Variants in ARB2A observed in about 807,000 individuals in gnomAD.
ARB2A encodes cotranscriptional regulator ARB2A.
the ARB2A span, among the ~76,000 whole-genome samples, chr5:93,653,541 A>AAAAAAAAAAAAAAAAAAAAAAAAAAC: frequency 7.3e-6 from 1 of 137,056 alleles, no homozygotes. Context: ...AAAAAAAAAA[A>AAAAAAAAAAAAAAAAAAAAAAAAAAC]AAAAAAAAAA....
At chr5:93,805,474 C>A in the ARB2A span, 1 of 985,006 alleles carries the variant, frequency 1.0e-6, no homozygotes, top group South Asian at 4.7e-5. Flanking sequence ...CATTCCCCTG[C>A]ACAGAAGAGT....
chr5:93,685,255 CTTATA>C, the ARB2A span, among the ~76,000 whole-genome samples: 1 of 152,028 alleles, frequency 6.6e-6, no homozygotes. Flanking sequence ...ATATTTAAGG[CTTATA>C]TTAGTTTTTT....
the ARB2A span, among the ~76,000 whole-genome samples, chr5:93,648,309 TA>T: frequency 1.3e-5 from 2 of 152,158 alleles, no homozygotes; most frequent in African/African-American, 4.8e-5. Context: ...TATGACATTT[TA>T]AGTACATTAT....
chr5:93,890,478 AAC>A, the ARB2A span, among the ~76,000 whole-genome samples: 1 of 151,956 alleles, frequency 6.6e-6, no homozygotes, highest in Non-Finnish European at 1.5e-5. Flanking sequence ...GTCTTTTAAA[AAC>A]ACACAATGAT....
At chr5:93,884,452 G>A in the ARB2A span, among the ~76,000 whole-genome samples, 1 of 151,664 alleles carries the variant, frequency 6.6e-6, no homozygotes, top group East Asian at 1.9e-4. Flanking sequence ...TGACTCATCT[G>A]TTCAATATCA....
At chr5:93,845,537 C>T in the ARB2A span, among the ~76,000 whole-genome samples, 1 of 152,220 alleles carries the variant, frequency 6.6e-6, no homozygotes, top group South Asian at 2.1e-4. Flanking sequence ...GGCAGAATGA[C>T]TCAGCCAGTT....
chr5:93,749,157 G>A, the ARB2A span, among the ~76,000 whole-genome samples: 2 of 151,574 alleles, frequency 1.3e-5, no homozygotes, highest in Admixed American at 1.3e-4. Flanking sequence ...TTACTGCACT[G>A]TCATGTGTGT....
the ARB2A span, among the ~76,000 whole-genome samples, chr5:93,812,847 C>G: frequency 1.3e-5 from 2 of 152,080 alleles, no homozygotes; most frequent in Non-Finnish European, 2.9e-5. Context: ...GAGAAAAATT[C>G]ATATAAGGTA....
the ARB2A span, among the ~76,000 whole-genome samples, chr5:94,032,549 A>C: frequency 6.6e-6 from 1 of 152,154 alleles, no homozygotes; most frequent in East Asian, 1.9e-4. Flanking sequence ...AGACAACATG[A>C]GATTTGTTGG....
the ARB2A span, among the ~76,000 whole-genome samples, chr5:93,798,696 T>A: frequency 1.3e-5 from 2 of 152,128 alleles, no homozygotes; most frequent in Non-Finnish European, 2.9e-5. Context: ...GTGACTTAGG[T>A]GTCACCTCTA....
the ARB2A span, among the ~76,000 whole-genome samples, chr5:93,726,843 T>C: frequency 3.3e-5 from 5 of 152,072 alleles, no homozygotes; most frequent in Non-Finnish European, 5.9e-5. Context: ...TATTTGAATA[T>C]GTAAAATTAC....
At chr5:93,898,095 AC>A in the ARB2A span, among the ~76,000 whole-genome samples, 26 of 151,888 alleles carry the variant, frequency 1.7e-4, no homozygotes, top group African/African-American at 5.8e-4. Context: ...CCCATCTCCT[AC>A]CCCTGACAAT....
the ARB2A span, among the ~76,000 whole-genome samples, chr5:94,032,077 G>A: frequency 6.6e-6 from 1 of 152,142 alleles, no homozygotes; most frequent in African/African-American, 2.4e-5. Flanking sequence ...TGCAGGAATG[G>A]AGCCCCAACA....
chr5:93,821,622 T>A, the ARB2A span, among the ~76,000 whole-genome samples: 177 of 152,112 alleles, frequency 1.2e-3, no homozygotes, highest in African/African-American at 4.0e-3. Context: ...TAAAACTGAA[T>A]AACATTTTTT....
chr5:93,710,058 A>G, the ARB2A span, among the ~76,000 whole-genome samples: 6 of 152,200 alleles, frequency 3.9e-5, no homozygotes. Flanking sequence ...ATTTTCCAGT[A>G]AAACACATTA....
At chr5:93,869,688 T>G in the ARB2A span, among the ~76,000 whole-genome samples, 3 of 152,148 alleles carry the variant, frequency 2.0e-5, no homozygotes, top group Non-Finnish European at 4.4e-5. Flanking sequence ...TGCCCCACCC[T>G]AACTGATCAA....
the ARB2A span, chr5:93,740,678 G>A: frequency 6.2e-7 from 1 of 1,613,834 alleles, no homozygotes; most frequent in Non-Finnish European, 8.5e-7. Flanking sequence ...GGGAGCCCCA[G>A]TCCCAGGTGA....
the ARB2A span, among the ~76,000 whole-genome samples, chr5:94,069,075 T>TAGAC: frequency 2.0e-5 from 3 of 151,602 alleles, no homozygotes; most frequent in African/African-American, 7.3e-5. Context: ...GATAGATAGA[T>TAGAC]AGATAGATAG....
the ARB2A span, among the ~76,000 whole-genome samples, chr5:94,102,914 A>T: frequency 6.6e-6 from 1 of 152,162 alleles, no homozygotes; most frequent in African/African-American, 2.4e-5. Flanking sequence ...TATCTAGCCA[A>T]ACTTTGCTTC....
Sources: allele counts gnomAD v4.1 joint callset (sites outside exome capture counted in the v4.1 genomes callset), GRCh38; gene constraint gnomAD v4.1.1; transcripts MANE v1.5; gene names NCBI Gene and HGNC (gene_info 2026-07-23, HGNC 2026-07-21).